OTOGL: variants seen among roughly 807,000 people sequenced by gnomAD.
OTOGL encodes the protein otogelin like.
In OTOGL, 285 loss-of-function variants were observed where a neutral mutation model predicts 318.5. That is an observed-to-expected ratio of 0.89 (90% CI 0.81 to 0.99). OTOGL has a LOEUF of 0.99. Ranked by LOEUF, OTOGL falls within the 50% of genes least tolerant of loss-of-function variation. The pLI is 0.00. For synonymous variants in OTOGL, 987 were observed against 936.5 expected, an observed-to-expected ratio of 1.05 and a Z score of -0.99; for missense variants, 2,899 against 2,845.6, an observed-to-expected ratio of 1.02 and a Z score of -0.43.
At chr12:80,198,766 A>T (rs1876257967) in intron 1 of OTOGL, among the ~76,000 whole-genome samples, 1 of 152,046 alleles carries the variant, frequency 6.6e-6, no homozygotes, top group South Asian at 2.1e-4. Flanking sequence ...ATCTTCTTTC[A>T]CCTCATGCCC....
At chr12:80,308,987 A>AGGGAGAGGGAGACCGTG (rs755285515) in intron 29 of OTOGL, among the ~76,000 whole-genome samples, 1 of 37,136 alleles carries the variant, frequency 2.7e-5, no homozygotes, top group Non-Finnish European at 1.2e-4. Context: ...CCGTGGGGAG[A>AGGGAGAGGGAGACCGTG]GGGAGAGGGA....
chr12:80,266,646 C>T, intron 21 of OTOGL, 30 bp downstream of exon 21: 1 of 1,583,798 alleles, frequency 6.3e-7, no homozygotes, highest in Non-Finnish European at 8.6e-7. Context: ...TGGCAGCATC[C>T]TGTTTTAATC....
At chr12:80,292,663 C>T (rs1011026050) in intron 26 of OTOGL, among the ~76,000 whole-genome samples, 35 of 152,200 alleles carry the variant, frequency 2.3e-4, no homozygotes, top group African/African-American at 7.7e-4. Flanking sequence ...AGACTAGCCA[C>T]GGTTAAAGAC....
At chr12:80,320,317 G>T in intron 33 of OTOGL, 105 bp from the exon 34 acceptor site, 1 of 1,030,224 alleles carries the variant, frequency 9.7e-7, no homozygotes, top group Non-Finnish European at 1.3e-6. Context: ...AATTATGTTT[G>T]GCAATTGTGC....
At chr12:80,125,398 A>G in intron 1 of OTOGL, among the ~76,000 whole-genome samples, 1 of 152,148 alleles carries the variant, frequency 6.6e-6, no homozygotes, top group Admixed American at 6.6e-5. Flanking sequence ...CCACTTGATC[A>G]TGGTGGATAA....
At chr12:80,169,915 G>A (rs1001732627) in intron 1 of OTOGL, among the ~76,000 whole-genome samples, 2 of 152,142 alleles carry the variant, frequency 1.3e-5, no homozygotes, top group Non-Finnish European at 2.9e-5. Context: ...ATTCATTAAA[G>A]GACATTTGAG....
At position 80,209,488 on chromosome 12, in the gene OTOGL, T is replaced by C; in HGVS notation, c.57T>C (p.His19=). Residue 19 remains histidine, a synonymous_variant, in exon 2 of 59, where the codon CAT becomes CAC. Coordinates refer to ENST00000547103, the MANE Select transcript of OTOGL (RefSeq NM_001378609.3). ...LMIPWSIFLL[H]VLLFSLQEYI... ...TACCTTGGAGTATATTCTTGCTTCATGTACTGCTGTTTTCATTACAAGGTA... is the reference window on the plus strand; with the variant it reads ...TACCTTGGAGTATATTCTTGCTTCACGTACTGCTGTTTTCATTACAAGGTA... 6.7e-7 allele frequency: 1 copy of C among 1,503,180 alleles called. No homozygotes were observed. The highest frequency in any genetic ancestry group is 8.9e-7 in the Non-Finnish European group (1 of 1,119,768). 93.1% of individuals were successfully genotyped at this position (1,503,180 alleles called of 1,614,324 possible).
intron 7 of OTOGL, among the ~76,000 whole-genome samples, chr12:80,228,310 T>C (rs60106389): frequency 0.023 from 3,502 of 151,826 alleles, 146 homozygotes; most frequent in African/African-American, 0.079. Flanking sequence ...GGTTTGGTGG[T>C]ACACGCCTAT....
At chr12:80,237,963 T>C (rs1185653045) in intron 9 of OTOGL, among the ~76,000 whole-genome samples, 6 of 152,218 alleles carry the variant, frequency 3.9e-5, no homozygotes. Flanking sequence ...AACTTTGAGA[T>C]GTCATCTTGT....
intron 18 of OTOGL, among the ~76,000 whole-genome samples, chr12:80,259,844 A>G (rs1033288154): frequency 1.3e-5 from 2 of 152,064 alleles, no homozygotes; most frequent in African/African-American, 4.8e-5. Flanking sequence ...TTTAAAAAAC[A>G]TTCTTGCCCA....
At chr12:80,127,679 A>G (rs971517146) in intron 1 of OTOGL, among the ~76,000 whole-genome samples, 3 of 152,188 alleles carry the variant, frequency 2.0e-5, no homozygotes, top group Non-Finnish European at 2.9e-5. Flanking sequence ...AGGTACACCA[A>G]TCAGATGTAG....
chr12:80,149,716 C>G (rs1350323417), intron 1 of OTOGL, among the ~76,000 whole-genome samples: 4 of 150,348 alleles, frequency 2.7e-5, no homozygotes, highest in Non-Finnish European at 4.4e-5. Flanking sequence ...TAGCAATCAT[C>G]GAGACTCCAT....
chr12:80,189,439 G>A, intron 1 of OTOGL: 3 of 985,334 alleles, frequency 3.0e-6, no homozygotes, highest in Non-Finnish European at 3.6e-6. Flanking sequence ...AGTTTGTCAA[G>A]TCTCATAAGA....
chr12:80,215,876 G>T (rs1026844515), intron 4 of OTOGL, among the ~76,000 whole-genome samples: 3 of 152,188 alleles, frequency 2.0e-5, no homozygotes, highest in Middle Eastern at 3.2e-3. Context: ...AATTTAGTTT[G>T]AAGGCAGAGG....
intron 1 of OTOGL, among the ~76,000 whole-genome samples, chr12:80,168,656 CATT>C (rs1323356934): frequency 6.6e-6 from 1 of 152,128 alleles, no homozygotes; most frequent in Non-Finnish European, 1.5e-5. Context: ...TTTTGGCAGT[CATT>C]GTTGGCAGAC....
At chr12:80,166,156 G>A (rs1213869926) in intron 1 of OTOGL, among the ~76,000 whole-genome samples, 1 of 151,824 alleles carries the variant, frequency 6.6e-6, no homozygotes, top group South Asian at 2.1e-4. Context: ...GTACAGTGTA[G>A]TATAGTAGCT....
Position 80,146,339 on chromosome 12 carries a change from G to T in OTOGL, c.-20+46734G>T, listed in dbSNP as rs1164951724. 4.7e-3 allele frequency among the ~76,000 whole-genome samples: 661 copies of T among 140,326 alleles called. 15 individuals carry two copies. Among genetic ancestry groups the T allele is most frequent in the African/African-American group, 0.019 (577 of 30,706 alleles). 92.1% of individuals were successfully genotyped at this position (140,326 alleles called of 152,430 possible). On this transcript the variant is annotated intron_variant, in intron 1 of 58. Coordinates refer to ENST00000547103, the MANE Select transcript of OTOGL (RefSeq NM_001378609.3). ...ATCATGTGGTTTTTGTCTTTGGCTC[G>T]GTTTATATGCTGGATTACATTTATT...
intron 44 of OTOGL, among the ~76,000 whole-genome samples, chr12:80,347,555 G>T (rs1889275022): frequency 6.6e-6 from 1 of 151,988 alleles, no homozygotes; most frequent in Non-Finnish European, 1.5e-5. Context: ...TGGGCATTTG[G>T]GTTGGTTCCA....
chr12:80,304,102 G>T (rs1885952991), intron 28 of OTOGL, among the ~76,000 whole-genome samples: 1 of 152,080 alleles, frequency 6.6e-6, no homozygotes, highest in African/African-American at 2.4e-5. Flanking sequence ...TTTGGGTCTG[G>T]CTTCTTTGAC....
Sources: gnomAD v4.1 joint callset for allele counts (sites outside exome capture counted in the v4.1 genomes callset) on GRCh38, gnomAD v4.1.1 for gene constraint, MANE v1.5 for transcripts, NCBI Gene and HGNC (gene_info 2026-07-23, HGNC 2026-07-21) for gene names.